SPTLC3: variants seen among roughly 807,000 people sequenced by gnomAD.
The protein encoded by SPTLC3 is serine palmitoyltransferase long chain base subunit 3, also known as serine palmitoyltransferase 3.
In SPTLC3, 36 loss-of-function variants were observed where a neutral mutation model predicts 59.3. The observed-to-expected ratio is 0.61, with a 90% CI of 0.47 to 0.80. SPTLC3 has a LOEUF of 0.80. Among genes scored for constraint, SPTLC3 ranks in the 30% least tolerant of loss-of-function variants. The probability of loss-of-function intolerance (pLI) is 0.00; values close to 1 mark genes in which losing one functional copy is unlikely to be tolerated. For missense variants in SPTLC3, 625 were observed against 685.1 expected (o/e 0.91, Z 0.98); for synonymous variants, 257 against 240.8 (o/e 1.07, Z -0.62).
chr20:13,147,292 C>T (rs1394228309), intron 9 of SPTLC3, among the ~76,000 whole-genome samples: 1 of 152,206 alleles, frequency 6.6e-6, no homozygotes, highest in Non-Finnish European at 1.5e-5. Context: ...TAGCAAACCA[C>T]TCCAAATGTT....
intron 10 of SPTLC3, among the ~76,000 whole-genome samples, chr20:13,154,618 C>T (rs1600398367): frequency 6.6e-6 from 1 of 152,124 alleles, no homozygotes; most frequent in Non-Finnish European, 1.5e-5. Context: ...GCAACCTGCC[C>T]AAAGTCACAC....
chr20:13,049,211 G>C, intron 2 of SPTLC3, 81 bp downstream of exon 2: 14 of 1,509,186 alleles, frequency 9.3e-6, no homozygotes, highest in Non-Finnish European at 1.2e-5. Flanking sequence ...TGCAGGTGCA[G>C]ATCCTAGAAA....
At chr20:13,155,605 T>C (rs966321459) in intron 10 of SPTLC3, among the ~76,000 whole-genome samples, 9 of 152,076 alleles carry the variant, frequency 5.9e-5, no homozygotes, top group Non-Finnish European at 1.2e-4. Context: ...GGCAGGCAGA[T>C]CATGAGGTCA....
chr20:13,020,910 C>G (rs113500202), intron 1 of SPTLC3, among the ~76,000 whole-genome samples: 1 of 152,274 alleles, frequency 6.6e-6, no homozygotes, highest in South Asian at 2.1e-4. Context: ...ATCAGGCATA[C>G]AGTAGATAGT....
Position 13,167,124 on chromosome 20 carries a change from C to T in SPTLC3, c.*2257C>T, listed in dbSNP as rs377736146. The T allele has an allele frequency of 2.6e-5, 4 of 152,234 alleles. No homozygotes were observed. The allele number at this position is 152,234 out of a possible 1,614,324, so 9.4% of individuals were successfully genotyped here. The stretch of plus-strand genomic sequence containing the variant: ...TGCATTAGAAGGTGCCCAAGCTCCA[C>T]AGGGCCAATAATATTAGAGTATATG... On this transcript the variant is annotated 3_prime_UTR_variant, in exon 12 of 12. Transcript: ENST00000399002.
rs5840546 is a variant in SPTLC3, at chr20:13,044,995, C to CCACA, written c.118-3912_118-3909dup. Among the ~76,000 whole-genome samples, 673 of 141,420 alleles carry CCACA rather than the reference C, an allele frequency of 4.8e-3. 2 individuals carry two copies. Among genetic ancestry groups the CCACA allele is most frequent in the African/African-American group, 6.6e-3 (254 of 38,450 alleles). 92.8% of individuals were successfully genotyped at this position (141,420 alleles called of 152,430 possible). On this transcript the variant is annotated intron_variant, in intron 1 of 11. Coordinates refer to ENST00000399002, the MANE Select transcript of SPTLC3 (RefSeq NM_018327.4). ...TACATTATGGTCATTTGTGTCCCCA[C>CCACA]CACACACACACACACACACACACAC... is the stretch of plus-strand genomic sequence containing the variant.
At chr20:13,032,563 C>T (rs569358889) in intron 1 of SPTLC3, among the ~76,000 whole-genome samples, 2 of 152,302 alleles carry the variant, frequency 1.3e-5, no homozygotes, top group East Asian at 1.9e-4. Flanking sequence ...CCCTCATTTC[C>T]ACCCACCAAT....
chr20:13,074,110 G>T, intron 3 of SPTLC3: 1 of 685,254 alleles, frequency 1.5e-6, no homozygotes, highest in Non-Finnish European at 2.7e-6. Context: ...CAGCTTCCAG[G>T]GACTAAAGTG....
At chr20:13,080,641 A>T (rs1019705239) in intron 4 of SPTLC3, among the ~76,000 whole-genome samples, 1 of 151,830 alleles carries the variant, frequency 6.6e-6, no homozygotes, top group African/African-American at 2.4e-5. Flanking sequence ...ACAAAAGTTA[A>T]AAAAAAATAA....
intron 9 of SPTLC3, among the ~76,000 whole-genome samples, chr20:13,152,631 G>T (rs142802994): frequency 6.6e-6 from 1 of 152,276 alleles, no homozygotes; most frequent in East Asian, 1.9e-4. Context: ...CTAAAAGAAA[G>T]ACTCAAATAG....
At chr20:13,154,407 C>T (rs572575493) in intron 10 of SPTLC3, among the ~76,000 whole-genome samples, 19 of 152,268 alleles carry the variant, frequency 1.2e-4, no homozygotes, top group African/African-American at 4.6e-4. Flanking sequence ...CTCAGCCTCA[C>T]CTGTAAATTA....
In SPTLC3 at chr20:13,078,148, TGTAA is replaced by T. The variant is rs201160911; in HGVS notation, c.607+3656_607+3659del. Among the ~76,000 whole-genome samples the T allele has an allele frequency of 8.1e-3, 1,204 of 148,030 alleles. 8 individuals are homozygous for T. Among genetic ancestry groups the T allele is most frequent in the Non-Finnish European group, 0.012 (825 of 67,178 alleles). ...TACTTATAAAACTATTACATATTTT[TGTAA>T]GTAACATGTATTTTGTAAATATGTA... is the stretch of plus-strand genomic sequence containing the variant. On this transcript the variant is annotated intron_variant, in intron 4 of 11. Coordinates refer to ENST00000399002, the MANE Select transcript of SPTLC3 (RefSeq NM_018327.4).
chr20:13,082,834 CA>C (rs1427325438), intron 4 of SPTLC3, among the ~76,000 whole-genome samples: 5 of 152,180 alleles, frequency 3.3e-5, no homozygotes, highest in Non-Finnish European at 7.3e-5. Flanking sequence ...ATTAAGAATA[CA>C]AACTTCATTG....
intron 6 of SPTLC3, among the ~76,000 whole-genome samples, chr20:13,100,678 A>C (rs1989570080): frequency 6.6e-6 from 1 of 152,228 alleles, no homozygotes; most frequent in Non-Finnish European, 1.5e-5. Flanking sequence ...TAACTACTCT[A>C]TCATTTATTC....
chr20:13,044,158 G>A (rs528632570), intron 1 of SPTLC3, among the ~76,000 whole-genome samples: 3 of 149,396 alleles, frequency 2.0e-5, no homozygotes, highest in South Asian at 4.3e-4. Flanking sequence ...GGAGTGCAGT[G>A]ATGCAATCTT....
At chr20:13,063,130 G>A (rs1005094374) in intron 2 of SPTLC3, among the ~76,000 whole-genome samples, 2 of 152,172 alleles carry the variant, frequency 1.3e-5, no homozygotes, top group East Asian at 3.8e-4. Flanking sequence ...TCTGATGGGT[G>A]AACATTATTT....
chr20:13,032,000 A>C (rs975497436), intron 1 of SPTLC3, among the ~76,000 whole-genome samples: 1 of 152,116 alleles, frequency 6.6e-6, no homozygotes, highest in Non-Finnish European at 1.5e-5. Context: ...TCCACCACCT[A>C]CTTCTTTGGA....
At chr20:13,048,908 G>A (rs1330732711) in intron 1 of SPTLC3, 37 bp from the exon 2 acceptor site, 2 of 1,514,736 alleles carry the variant, frequency 1.3e-6, no homozygotes, top group South Asian at 1.4e-5. Flanking sequence ...TCTGTAACAG[G>A]AGAATGCTAA....
intron 2 of SPTLC3, 153 bp downstream of exon 2, chr20:13,049,283 T>C (rs1228409076): frequency 1.2e-6 from 1 of 819,168 alleles, no homozygotes; most frequent in Non-Finnish European, 2.0e-6. Flanking sequence ...CTAAACCCCA[T>C]TACCCATGGG....
Sources: allele counts gnomAD v4.1 joint callset (sites outside exome capture counted in the v4.1 genomes callset), GRCh38; gene constraint gnomAD v4.1.1; transcripts MANE v1.5; gene names NCBI Gene and HGNC (gene_info 2026-07-23, HGNC 2026-07-21).